PECR: variants seen among roughly 807,000 people sequenced by gnomAD.
PECR encodes the protein peroxisomal trans-2-enoyl-CoA reductase, also known as 2,4-dienoyl-CoA reductase-related protein.
A neutral mutation model predicts 35.3 loss-of-function variants in PECR; 30 were observed. That is an observed-to-expected ratio of 0.85 (90% CI 0.64 to 1.15). The LOEUF is 1.15. Ranked by LOEUF, PECR falls within the 50% of genes most tolerant of loss-of-function variation. The pLI is 0.00. For missense variants in PECR, 392 were observed against 370.8 expected (o/e 1.06, Z -0.47); for synonymous variants, 148 against 138.9 (o/e 1.07, Z -0.46).
chr2:216,052,841 C>G lies in PECR; in HGVS notation c.507-1296G>C, dbSNP rs146770127. Among the ~76,000 whole-genome samples the G allele has an allele frequency of 3.7e-3, 566 of 152,180 alleles. 3 individuals carry two copies. Among genetic ancestry groups the G allele is most frequent in the African/African-American group, 0.013 (548 of 41,518 alleles). ...GAGACTCCAACTGTCTCACAGTTCA[C>G]GAATGCTCTGTTTTTGTTTTTTGTG... On this transcript the variant is annotated intron_variant, in intron 4 of 7. Coordinates refer to ENST00000265322, the MANE Select transcript of PECR (RefSeq NM_018441.6).
At chr2:216,061,903 T>C (rs1341294224) in intron 3 of PECR, among the ~76,000 whole-genome samples, 1 of 152,146 alleles carries the variant, frequency 6.6e-6, no homozygotes, top group Non-Finnish European at 1.5e-5. Flanking sequence ...AAGAGATATA[T>C]AAACAAAGTA....
intron 3 of PECR, 101 bp from the exon 4 acceptor site, chr2:216,059,077 C>G (rs1695284310): frequency 2.6e-6 from 2 of 756,692 alleles, no homozygotes; most frequent in Non-Finnish European, 4.8e-6. Flanking sequence ...TTTTACACGT[C>G]CATTTACATT....
chr2:216,076,902 C>CTT (rs766073483), intron 1 of PECR, among the ~76,000 whole-genome samples: 32 of 138,008 alleles, frequency 2.3e-4, no homozygotes, highest in African/African-American at 6.4e-4. Flanking sequence ...TCCAATTTTA[C>CTT]TTTTTTTTTT....
chr2:216,034,193 C>G (rs1446824039), downstream of PECR: 2 of 152,226 alleles, frequency 1.3e-5, no homozygotes, highest in Non-Finnish European at 2.9e-5. Flanking sequence ...AGCCAAGCCC[C>G]AGGTCATGTT....
At chr2:216,053,026 G>A (rs1695148970) in intron 4 of PECR, among the ~76,000 whole-genome samples, 2 of 151,650 alleles carry the variant, frequency 1.3e-5, no homozygotes, top group African/African-American at 4.8e-5. Flanking sequence ...GCTAATTTTT[G>A]TATTTTTAGT....
rs150777300 is a variant in PECR, at chr2:216,059,166, T to C, written c.425-190A>G. 3.0e-4 allele frequency among the ~76,000 whole-genome samples: 46 copies of C among 152,338 alleles called. 1 individual carries two copies. In the East Asian group the frequency reaches 8.3e-3, roughly 27 times the overall value. ...CTTTAAGTGTGCAATGTAATGACTT[T>C]TAATAAATATACGGAGTTATGCAAC... On this transcript the variant is annotated intron_variant, in intron 3 of 7. Coordinates refer to ENST00000265322, the MANE Select transcript of PECR (RefSeq NM_018441.6).
At chr2:216,037,481 G>C (rs1411843748), downstream of PECR, among the ~76,000 whole-genome samples, 1 of 152,148 alleles carries the variant, frequency 6.6e-6, no homozygotes, top group East Asian at 1.9e-4. Context: ...CTCTAACATG[G>C]TTTGTAATTC....
chr2:216,062,330 G>A lies in PECR; in HGVS notation c.424+2982C>T, dbSNP rs550208264. ...CAAAGTGCTGAGATTACAGGCATGA[G>A]CCATCACGCCTGGCAATGCTTCATG... is the stretch of plus-strand genomic sequence containing the variant. On this transcript the variant is annotated intron_variant, in intron 3 of 7. Coordinates refer to ENST00000265322, the MANE Select transcript of PECR (RefSeq NM_018441.6). 2.0e-5 allele frequency among the ~76,000 whole-genome samples: 3 copies of A among 152,276 alleles called. 1 individual carries two copies. Among genetic ancestry groups the A allele is most frequent in the African/African-American group, 7.2e-5 (3 of 41,558 alleles).
downstream of PECR, among the ~76,000 whole-genome samples, chr2:216,036,209 T>C (rs1302985558): frequency 6.6e-6 from 1 of 152,212 alleles, no homozygotes; most frequent in Non-Finnish European, 1.5e-5. Flanking sequence ...GCCAGCCTCA[T>C]AGAGGGCTTG....
intron 7 of PECR, among the ~76,000 whole-genome samples, chr2:216,041,915 TTCTCACATGCCTTGCCCTGTGC>T (rs919989308): frequency 7.7e-4 from 118 of 152,258 alleles, no homozygotes; most frequent in African/African-American, 2.8e-3. Flanking sequence ...TACGTGCCCC[TTCTCACATGCCTTGCCCTGTGC>T]ACCCCTTCGG....
intron 4 of PECR, among the ~76,000 whole-genome samples, chr2:216,056,431 A>T (rs1695225918): frequency 6.6e-6 from 1 of 152,132 alleles, no homozygotes; most frequent in African/African-American, 2.4e-5. Flanking sequence ...AATAAAATTG[A>T]AAATATCAGC....
At chr2:216,040,453 C>T (rs1229811030) in intron 7 of PECR, among the ~76,000 whole-genome samples, 1 of 152,034 alleles carries the variant, frequency 6.6e-6, no homozygotes, top group Non-Finnish European at 1.5e-5. Flanking sequence ...GGAGTTTTGC[C>T]AGGTTGCCCA....
Position 216,049,360 on chromosome 2 carries a change from GAATA to G in PECR, c.613_616del (p.Tyr205ProfsTer88). The G allele has an allele frequency of 6.7e-7, 1 of 1,502,766 alleles. No homozygotes were observed. Among genetic ancestry groups the G allele is most frequent in the Non-Finnish European group, 9.3e-7 (1 of 1,078,584 alleles). 93.1% of individuals were successfully genotyped at this position (1,502,766 alleles called of 1,614,324 possible). On this transcript the variant is annotated frameshift_variant, in exon 6 of 8. Transcript: ENST00000265322. LOFTEE classifies it high-confidence loss of function. ...ACCATAGTTCTCCACAGCAGTCTGGGAATAAATAACTCCCTGTGTTTAAAAATAA... is the reference window on the plus strand; with the variant it reads ...ACCATAGTTCTCCACAGCAGTCTGGGAATAACTCCCTGTGTTTAAAAATAA...
chr2:216,049,482 C>CA (rs3214579), intron 5 of PECR, 109 bp from the exon 6 acceptor site: 15 of 607,506 alleles, frequency 2.5e-5, no homozygotes, highest in South Asian at 6.7e-5. Flanking sequence ...TAGCTTAAGT[C>CA]AAAAAAAAGT....
At chr2:216,058,668 A>G (rs1308966912) in intron 4 of PECR, among the ~76,000 whole-genome samples, 1 of 152,196 alleles carries the variant, frequency 6.6e-6, no homozygotes, top group East Asian at 1.9e-4. Context: ...CAAAAAACAA[A>G]TACTATTTTC....
At chr2:216,070,776 C>T (rs921471566) in intron 1 of PECR, among the ~76,000 whole-genome samples, 9 of 152,194 alleles carry the variant, frequency 5.9e-5, no homozygotes, top group African/African-American at 2.2e-4. Flanking sequence ...AGCTGCTTAA[C>T]TGATCACAGG....
chr2:216,045,170 C>T (rs1472565283), intron 6 of PECR, among the ~76,000 whole-genome samples: 2 of 152,214 alleles, frequency 1.3e-5, no homozygotes. Flanking sequence ...TCATCCCAGT[C>T]CTGGTCCTAT....
intron 1 of PECR, among the ~76,000 whole-genome samples, chr2:216,068,556 TGAAAG>T (rs906120998): frequency 6.6e-6 from 1 of 151,986 alleles, no homozygotes; most frequent in Non-Finnish European, 1.5e-5. Flanking sequence ...ACAAAAAAGA[TGAAAG>T]GAAGTCCTTC....
chr2:216,036,570 G>A (rs1368998205), downstream of PECR, among the ~76,000 whole-genome samples: 1 of 152,176 alleles, frequency 6.6e-6, no homozygotes, highest in African/African-American at 2.4e-5. Context: ...GCGCCTGCTG[G>A]TATTCCTGTG....
Sources: gnomAD v4.1 joint callset for allele counts (sites outside exome capture counted in the v4.1 genomes callset) on GRCh38, gnomAD v4.1.1 for gene constraint, MANE v1.5 for transcripts, NCBI Gene and HGNC (gene_info 2026-07-23, HGNC 2026-07-21) for gene names.